Variants in TCP11 observed in about 807,000 individuals in gnomAD.
TCP11 encodes the protein T-complex protein 11 homolog.
In TCP11, 34 loss-of-function variants were observed where a neutral mutation model predicts 45.0. The observed-to-expected ratio is 0.76, with a 90% confidence interval of 0.57 to 1.01. The LOEUF is 1.01. Among genes scored for constraint, TCP11 ranks in the 50% least tolerant of loss-of-function variants. The pLI is 0.00. For synonymous variants in TCP11, 227 were observed against 227.0 expected (o/e 1.00, Z 0.00); for missense variants, 523 against 598.1 (o/e 0.87, Z 1.31).
Position 35,120,492 on chromosome 6 carries a change from C to T in TCP11, c.870G>A (p.Met290Ile), listed in dbSNP as rs150437868. The T allele has an allele frequency of 1.2e-6, 2 of 1,612,936 alleles. No homozygotes were observed. The highest frequency in any genetic ancestry group is 2.7e-5 in the African/African-American group (2 of 74,890). ...ANNPEPLSPTMVLCQGFLNLL... is the reference protein window; with the variant it reads ...ANNPEPLSPTIVLCQGFLNLL... ...GGTTCAAGAAGCCCTGACACAGCACCATTGTGGGGCTGAGGGGCTCTGGGT... is the reference window on the plus strand; with the variant it reads ...GGTTCAAGAAGCCCTGACACAGCACTATTGTGGGGCTGAGGGGCTCTGGGT... Residue 290 changes from methionine (M) to isoleucine (I), a missense_variant, in exon 7 of 10, where the codon ATG (methionine) becomes ATA (isoleucine). Around this residue, in one of 2 missense-constraint regions of TCP11, gnomAD observed 298 missense variants for 387.9 expected, o/e 0.77. Transcript: ENST00000311875. The surrounding 1 kb of genome is among the most constrained non-coding windows in gnomAD (Gnocchi z 4.9).
chr6:35,121,810 A>G (rs1216208549), intron 5 of TCP11, among the ~76,000 whole-genome samples: 1 of 145,948 alleles, frequency 6.9e-6, no homozygotes, highest in Non-Finnish European at 1.5e-5. Context: ...TCCATCTCAA[A>G]AAAAAAGAAA....
intron 3 of TCP11, among the ~76,000 whole-genome samples, chr6:35,130,536 C>T (rs902933043): frequency 2.0e-5 from 3 of 151,882 alleles, no homozygotes; most frequent in Non-Finnish European, 4.4e-5. Flanking sequence ...AAAAAATAGG[C>T]CAAAGACCTT....
chr6:35,129,387 A>G (rs1265525649), intron 3 of TCP11, among the ~76,000 whole-genome samples: 1 of 152,220 alleles, frequency 6.6e-6, no homozygotes, highest in Non-Finnish European at 1.5e-5. Flanking sequence ...AACCTCTCAG[A>G]AGGGCTCCTT....
chr6:35,139,995 C>T (rs571885556), intron 2 of TCP11: 2 of 1,612,842 alleles, frequency 1.2e-6, no homozygotes, highest in South Asian at 1.1e-5. Flanking sequence ...ATTGTGTGTA[C>T]AAAAAAACGG....
Position 35,136,074 on chromosome 6 carries a change from T to C in TCP11, c.236+33A>G. Reference sequence around the variant, plus strand: ...TCAGTGCTAAGTACCTAAGCCAGGATGAGCAACATGAAGAAAGAAGAAGAG... The same window carrying C: ...TCAGTGCTAAGTACCTAAGCCAGGACGAGCAACATGAAGAAAGAAGAAGAG... On this transcript the variant is annotated intron_variant, in intron 3 of 9. Transcript: ENST00000311875. The C allele has an allele frequency of 1.9e-6, 3 of 1,570,926 alleles. No individual in the cohort carries two copies. In the South Asian group the frequency reaches 3.4e-5, roughly 18 times the overall value.
In TCP11 at chr6:35,141,289, G is replaced by A. The variant is rs1168745368; in HGVS notation, c.-99C>T. 6.2e-6 allele frequency: 8 copies of A among 1,292,626 alleles called. No homozygotes were observed. The African/African-American group carries it at 6.2e-5, about 10-fold the overall frequency. The allele number at this position is 1,292,626 out of a possible 1,614,324, so 80.1% of individuals were successfully genotyped here. On this transcript the variant is annotated 5_prime_UTR_variant, in exon 1 of 10. Transcript: ENST00000311875. ...GCGGCCTGGAGCGTACCACCGCGGC[G>A]GAGCGGCGGGTTGGGGCGTCGCACG... is the stretch of plus-strand genomic sequence containing the variant.
At position 35,118,393 on chromosome 6, in the gene TCP11, A is replaced by T. The variant is rs781669719; in HGVS notation, c.1388T>A (p.Leu463Gln). The change falls in exon 10 of 10, where the codon CTG (leucine) becomes CAG (glutamine). Residue 463 changes from leucine (L) to glutamine (Q), a missense_variant. Transcript: ENST00000311875. ...LTLIEAELAE[L>Q]GQKFVNLTHH... ...TGTCAAGTTGACAAACTTTTGGCCC[A>T]GTTCTGCCAGTTCTGCTTCAATGAG... 1.2e-6 allele frequency: 2 copies of T among 1,614,214 alleles called. No individual in the cohort carries two copies. Among genetic ancestry groups the T allele is most frequent in the Non-Finnish European group, 8.5e-7 (1 of 1,180,020 alleles).
At chr6:35,136,062 C>A in intron 3 of TCP11, 45 bp downstream of exon 3, 6 of 1,510,542 alleles carry the variant, frequency 4.0e-6, no homozygotes, top group Non-Finnish European at 4.6e-6. Flanking sequence ...GTGCTAAGTA[C>A]CTAAGCCAGG....
At chr6:35,138,988 G>C (rs1781422232) in intron 2 of TCP11, among the ~76,000 whole-genome samples, 1 of 152,180 alleles carries the variant, frequency 6.6e-6, no homozygotes, top group Non-Finnish European at 1.5e-5. Context: ...AGGAGTTCGA[G>C]ACCAGCCTGG....
rs1417928559 is a variant in TCP11 at position 35,129,064 on chromosome 6, CTTTAA to C, written c.350_354del (p.Ile117ArgfsTer17). Reference sequence around the variant, plus strand: ...TTTACAAATGGAAGGTCACTCACCTCTTTAATTTCTTTCAGAAGTTCAAGAGCACA... The same window carrying C: ...TTTACAAATGGAAGGTCACTCACCTCTTTCTTTCAGAAGTTCAAGAGCACA... On this transcript the variant is annotated frameshift_variant, in exon 4 of 10. Coordinates refer to ENST00000311875, the MANE Select transcript of TCP11 (RefSeq NM_001370687.1). LOFTEE classifies it high-confidence loss of function. The C allele has an allele frequency of 1.1e-5, 17 of 1,613,818 alleles. No individual in the cohort carries two copies. The highest frequency in any genetic ancestry group is 1.3e-5 in the Non-Finnish European group (15 of 1,179,914).
rs1179592665 is a variant in TCP11 at position 35,120,076 on chromosome 6, AC to A, written c.1115+82del. 2.6e-6 allele frequency: 4 copies of A among 1,510,000 alleles called. No homozygotes were observed. In the African/African-American group the frequency reaches 5.5e-5, roughly 21 times the overall value. 93.5% of individuals were successfully genotyped at this position (1,510,000 alleles called of 1,614,324 possible). On this transcript the variant is annotated intron_variant, in intron 8 of 9. Coordinates refer to ENST00000311875, the MANE Select transcript of TCP11 (RefSeq NM_001370687.1). The surrounding 1 kb of genome is among the most constrained non-coding windows in gnomAD (Gnocchi z 4.9). ...AGGGCCTTTCTGTGGTTTGTGGTAG[AC>A]AGTAAGCAATCGTTCATTACCTGCC...
intron 4 of TCP11, among the ~76,000 whole-genome samples, chr6:35,124,653 G>T (rs1163921027): frequency 6.6e-6 from 1 of 152,010 alleles, no homozygotes; most frequent in African/African-American, 2.4e-5. Context: ...CAGATACACA[G>T]ACCAAAAGAA....
At chr6:35,123,521 G>A (rs1779505398) in intron 4 of TCP11, among the ~76,000 whole-genome samples, 1 of 151,924 alleles carries the variant, frequency 6.6e-6, no homozygotes, top group South Asian at 2.1e-4. Context: ...GTTTCAATCT[G>A]TTGCTCAGGC....
At chr6:35,126,741 C>G (rs1779871145) in intron 4 of TCP11, among the ~76,000 whole-genome samples, 1 of 147,206 alleles carries the variant, frequency 6.8e-6, no homozygotes, top group East Asian at 2.0e-4. Context: ...TCACTGCAAC[C>G]TGTGCCTCTC....
In TCP11 at chr6:35,141,297, G is replaced by T; in HGVS notation, c.-107C>A. 7.8e-7 allele frequency: 1 copy of T among 1,287,984 alleles called. No individual in the cohort carries two copies. Among genetic ancestry groups the T allele is most frequent in the Non-Finnish European group, 9.8e-7 (1 of 1,017,214 alleles). 79.8% of individuals were successfully genotyped at this position (1,287,984 alleles called of 1,614,324 possible). ...GAGCGTACCACCGCGGCGGAGCGGC[G>T]GGTTGGGGCGTCGCACGGTGAGAAA... On this transcript the variant is annotated 5_prime_UTR_variant, in exon 1 of 10. Transcript: ENST00000311875.
rs762363283 is a variant in TCP11, at chr6:35,118,265, G to A, written c.*4C>T. On this transcript the variant is annotated 3_prime_UTR_variant, in exon 10 of 10. Transcript: ENST00000311875. ...CAAGGTACCAGGGCTCTGAGCCGAC[G>A]CTATCAAACAGACTCCACTTTTGTT... 73 of 1,613,170 alleles carry A rather than the reference G, an allele frequency of 4.5e-5. No individual in the cohort carries two copies. Among genetic ancestry groups the A allele is most frequent in the Middle Eastern group, 3.3e-4 (2 of 6,082 alleles).
At chr6:35,133,587 C>T (rs68074991) in intron 3 of TCP11, among the ~76,000 whole-genome samples, 27,294 of 151,762 alleles carry the variant, frequency 0.18, 3,053 homozygotes, top group African/African-American at 0.29. Context: ...GTCAAGAGAT[C>T]GAGACCACCC....
chr6:35,119,223 C>T lies in TCP11; in HGVS notation c.1279+5G>A, dbSNP rs530101865. The T allele has an allele frequency of 6.2e-7, 1 of 1,613,734 alleles. No homozygotes were observed. Among genetic ancestry groups the T allele is most frequent in the Non-Finnish European group, 8.5e-7 (1 of 1,179,774 alleles). ...CCATTCTTACTACCCCACAAGCATA[C>T]TCACCAATAACACTGCAGACACAGT... On this transcript the variant is annotated splice_donor_5th_base_variant and intron_variant, in intron 9 of 9. Transcript: ENST00000311875.
At chr6:35,140,049 CA>C (rs751452593) in intron 2 of TCP11, 3 of 1,614,080 alleles carry the variant, frequency 1.9e-6, no homozygotes, top group Non-Finnish European at 2.5e-6. Context: ...GAAATGACCC[CA>C]ATATGCCTTT....
Sources: gnomAD v4.1 joint callset for allele counts (sites outside exome capture counted in the v4.1 genomes callset) on GRCh38, gnomAD v4.1.1 for gene constraint, gnomAD v4.1.1 regional missense constraint, Gnocchi (gnomAD v3.1) non-coding constraint, MANE v1.5 for transcripts, NCBI Gene and HGNC (gene_info 2026-07-23, HGNC 2026-07-21) for gene names.